NCKAP5: variants seen among roughly 807,000 people sequenced by gnomAD.
The protein encoded by NCKAP5 is nck-associated protein 5.
NCKAP5 carries 92 observed loss-of-function variants against 167.0 expected under a neutral mutation model. That is an observed-to-expected ratio of 0.55 (90% confidence interval 0.47 to 0.66). NCKAP5 has a LOEUF of 0.66. Among genes scored for constraint, NCKAP5 ranks in the 30% least tolerant of loss-of-function variants. The pLI, the probability that NCKAP5 is intolerant of heterozygous loss-of-function variation, is 0.00. For missense variants in NCKAP5, 2,378 were observed against 2,315.0 expected, an observed-to-expected ratio of 1.03 and a Z score of -0.56; for synonymous variants, 891 against 877.4, an observed-to-expected ratio of 1.02 and a Z score of -0.27.
At chr2:133,402,653 G>C (rs895176733) in intron 3 of NCKAP5, among the ~76,000 whole-genome samples, 1 of 151,998 alleles carries the variant, frequency 6.6e-6, no homozygotes, top group South Asian at 2.1e-4. Context: ...TATGGGATCC[G>C]GTTGTTTAAA....
Position 132,741,623 on chromosome 2 carries a change from A to G in NCKAP5, c.5129-9572T>C, listed in dbSNP as rs148572730. On this transcript the variant is annotated intron_variant, in intron 16 of 19. Transcript: ENST00000409261. ...ACCACTTAACCACTTCTGTATCCAT[A>G]CATCAAGTCTTGTCCTCCTTGGTTT... Among the ~76,000 whole-genome samples, 74 of 152,270 alleles carry G rather than the reference A, an allele frequency of 4.9e-4. No homozygotes were observed. In the East Asian group the frequency reaches 0.013, roughly 26 times the overall value.
At chr2:133,588,465 C>T in the NCKAP5 span, among the ~76,000 whole-genome samples, 2 of 128,216 alleles carry the variant, frequency 1.6e-5, no homozygotes, top group Admixed American at 1.6e-4. Context: ...CTTCCTTCCT[C>T]CCTTCCTTCC....
At chr2:132,722,289 T>C (rs532331238) in intron 19 of NCKAP5, among the ~76,000 whole-genome samples, 1 of 152,306 alleles carries the variant, frequency 6.6e-6, no homozygotes, top group African/African-American at 2.4e-5. Flanking sequence ...TCCCCCTCCA[T>C]TCCTACTTCT....
intron 3 of NCKAP5, among the ~76,000 whole-genome samples, chr2:133,343,724 A>G (rs950544426): frequency 1.5e-4 from 23 of 152,334 alleles, no homozygotes; most frequent in Middle Eastern, 3.4e-3. Context: ...CCCTGTACTC[A>G]CGGAGGTTAA....
chr2:132,805,869 C>T (rs767347174), intron 11 of NCKAP5, among the ~76,000 whole-genome samples: 1 of 151,934 alleles, frequency 6.6e-6, no homozygotes, highest in African/African-American at 2.4e-5. Flanking sequence ...ATTTGGTGGA[C>T]TCATCACCCG....
chr2:133,472,618 A>C (rs1410542049), intron 3 of NCKAP5, among the ~76,000 whole-genome samples: 1 of 152,104 alleles, frequency 6.6e-6, no homozygotes, highest in Non-Finnish European at 1.5e-5. Context: ...TACCTCCCCA[A>C]ACATTCTGCA....
chr2:133,365,534 C>T (rs1467739601), intron 3 of NCKAP5, among the ~76,000 whole-genome samples: 1 of 151,996 alleles, frequency 6.6e-6, no homozygotes, highest in Non-Finnish European at 1.5e-5. Context: ...TACACACACA[C>T]ACACACACAC....
At chr2:132,698,556 C>A (rs996847541) in intron 19 of NCKAP5, among the ~76,000 whole-genome samples, 28 of 152,084 alleles carry the variant, frequency 1.8e-4, no homozygotes, top group African/African-American at 6.8e-4. Context: ...AAATTGTGGC[C>A]GGGAGCTGTG....
chr2:132,715,066 G>A (rs562082327), intron 19 of NCKAP5, among the ~76,000 whole-genome samples: 2 of 152,218 alleles, frequency 1.3e-5, no homozygotes, highest in East Asian at 3.9e-4. Flanking sequence ...ATTAGTTAAG[G>A]AGGAGCAGTT....
chr2:133,345,491 C>A (rs1683909494), intron 3 of NCKAP5, among the ~76,000 whole-genome samples: 1 of 152,266 alleles, frequency 6.6e-6, no homozygotes, highest in African/African-American at 2.4e-5. Flanking sequence ...TGGTTCTTAA[C>A]CCTCGGTACA....
At chr2:133,202,832 A>G (rs1184973317) in intron 5 of NCKAP5, among the ~76,000 whole-genome samples, 4 of 152,176 alleles carry the variant, frequency 2.6e-5, no homozygotes, top group Non-Finnish European at 5.9e-5. Flanking sequence ...AATCAAAACC[A>G]CAAAGAGAAA....
intron 11 of NCKAP5, among the ~76,000 whole-genome samples, chr2:132,817,551 A>G (rs1381583266): frequency 6.6e-6 from 1 of 152,192 alleles, no homozygotes; most frequent in Non-Finnish European, 1.5e-5. Flanking sequence ...CTCCCTTAAA[A>G]CTGTGCTCCA....
chr2:133,579,490 T>C, the NCKAP5 span, among the ~76,000 whole-genome samples: 1 of 152,230 alleles, frequency 6.6e-6, no homozygotes, highest in South Asian at 2.1e-4. Context: ...TTTGATTTTC[T>C]GGCTGGATTC....
chr2:133,575,378 C>G, the NCKAP5 span, among the ~76,000 whole-genome samples: 1 of 152,156 alleles, frequency 6.6e-6, no homozygotes, highest in East Asian at 1.9e-4. Context: ...CTTCTATTAA[C>G]AAAGGAGAAT....
intron 8 of NCKAP5, among the ~76,000 whole-genome samples, chr2:132,883,205 T>TACACACACACACACACACACACACAC (rs3044408): frequency 1.4e-5 from 2 of 139,648 alleles, no homozygotes; most frequent in Admixed American, 7.2e-5. Context: ...CTGACTCAAA[T>TACACACACACACACACACACACACAC]ACACACACAC....
chr2:133,584,646 C>T, the NCKAP5 span, among the ~76,000 whole-genome samples: 1 of 152,032 alleles, frequency 6.6e-6, no homozygotes, highest in African/African-American at 2.4e-5. Context: ...CATCTGTAAT[C>T]CCAGCTACTT....
the NCKAP5 span, among the ~76,000 whole-genome samples, chr2:133,628,981 T>A: frequency 3.3e-5 from 5 of 152,122 alleles, no homozygotes; most frequent in African/African-American, 4.8e-5. Context: ...TATACAAAAA[T>A]TAACTCAAGA....
At chr2:133,012,543 C>T (rs1036619401) in intron 6 of NCKAP5, among the ~76,000 whole-genome samples, 2 of 152,150 alleles carry the variant, frequency 1.3e-5, no homozygotes, top group African/African-American at 4.8e-5. Context: ...AGAGTGGTTT[C>T]TTATCATCAA....
At chr2:132,941,148 C>T (rs1697266575) in intron 8 of NCKAP5, among the ~76,000 whole-genome samples, 1 of 152,166 alleles carries the variant, frequency 6.6e-6, no homozygotes, top group Non-Finnish European at 1.5e-5. Flanking sequence ...AATACCCAGT[C>T]TAGAGCTCTT....
Sources: allele counts gnomAD v4.1 joint callset (sites outside exome capture counted in the v4.1 genomes callset), GRCh38; gene constraint gnomAD v4.1.1; transcripts MANE v1.5; gene names NCBI Gene and HGNC (gene_info 2026-07-23, HGNC 2026-07-21).